Variants in PTPRD observed in about 807,000 individuals in gnomAD.
The protein encoded by PTPRD is receptor-type tyrosine-protein phosphatase delta.
A neutral mutation model predicts 214.5 loss-of-function variants in PTPRD; 34 were observed. That is an observed-to-expected ratio of 0.16 (90% CI 0.12 to 0.21). The LOEUF (loss-of-function observed/expected upper bound fraction) is 0.21, where lower values mean the gene tolerates loss of function less well. Ranked by LOEUF, PTPRD falls within the 10% of genes least tolerant of loss-of-function variation. PTPRD has a pLI of 1.00. For synonymous variants in PTPRD, 1,128 were observed against 845.7 expected, an observed-to-expected ratio of 1.33 and a Z score of -5.79; for missense variants, 2,545 against 2,398.7, an observed-to-expected ratio of 1.06 and a Z score of -1.27.
chr9:10,505,853 T>C (rs2045772988), intron 2 of PTPRD, among the ~76,000 whole-genome samples: 2 of 120,600 alleles, frequency 1.7e-5, no homozygotes, highest in Admixed American at 9.8e-5. Context: ...CATAACACTT[T>C]AACTTAAATT....
At chr9:8,706,946 G>A (rs1012281087) in intron 12 of PTPRD, among the ~76,000 whole-genome samples, 8 of 152,132 alleles carry the variant, frequency 5.3e-5, no homozygotes, top group African/African-American at 1.9e-4. Flanking sequence ...AGAGGCGAAT[G>A]AAGAACTGAA....
chr9:10,602,399 G>A (rs950295917), intron 2 of PTPRD, among the ~76,000 whole-genome samples: 12 of 151,646 alleles, frequency 7.9e-5, no homozygotes, highest in Non-Finnish European at 1.5e-4. Context: ...AATGTTTACT[G>A]AGGATTATTT....
intron 2 of PTPRD, among the ~76,000 whole-genome samples, chr9:10,472,741 G>C (rs1437924279): frequency 6.6e-6 from 1 of 151,840 alleles, no homozygotes; most frequent in African/African-American, 2.4e-5. Context: ...CTTATACATG[G>C]AGAATACTTA....
chr9:10,543,652 T>C (rs1210498114), intron 2 of PTPRD, among the ~76,000 whole-genome samples: 1 of 152,218 alleles, frequency 6.6e-6, no homozygotes, highest in Non-Finnish European at 1.5e-5. Flanking sequence ...GATGGGCTAG[T>C]TCCTTTGAAG....
At chr9:9,362,775 T>C (rs1279338187) in intron 9 of PTPRD, among the ~76,000 whole-genome samples, 1 of 151,300 alleles carries the variant, frequency 6.6e-6, no homozygotes, top group African/African-American at 2.4e-5. Context: ...ATAGCAAATG[T>C]GTTGATAGTT....
At chr9:10,323,652 G>T (rs925237265) in intron 3 of PTPRD, among the ~76,000 whole-genome samples, 11 of 151,628 alleles carry the variant, frequency 7.3e-5, no homozygotes, top group African/African-American at 2.7e-4. Flanking sequence ...GACTGAATTT[G>T]GCAATTTAAT....
intron 10 of PTPRD, among the ~76,000 whole-genome samples, chr9:9,180,389 C>A (rs964081279): frequency 1.4e-5 from 2 of 140,392 alleles, no homozygotes; most frequent in African/African-American, 5.4e-5. Flanking sequence ...TAGGTGGGAA[C>A]TGAACAATGA....
intron 2 of PTPRD, among the ~76,000 whole-genome samples, chr9:10,507,077 T>C (rs78585654): frequency 0.016 from 2,496 of 152,134 alleles, 33 homozygotes; most frequent in African/African-American, 0.034. Flanking sequence ...TCTCCTTAAG[T>C]TGATAAGCAA....
At chr9:9,770,027 G>T (rs2098739501) in intron 5 of PTPRD, among the ~76,000 whole-genome samples, 1 of 152,094 alleles carries the variant, frequency 6.6e-6, no homozygotes, top group Non-Finnish European at 1.5e-5. Flanking sequence ...ATTTGGGTTG[G>T]TCCCAAGTCT....
intron 9 of PTPRD, among the ~76,000 whole-genome samples, chr9:9,283,622 T>C (rs1436443877): frequency 6.6e-6 from 1 of 151,524 alleles, no homozygotes; most frequent in Non-Finnish European, 1.5e-5. Context: ...CTTTTCCTCA[T>C]GACCATTTGG....
Position 8,937,155 on chromosome 9 carries a change from C to T in PTPRD, c.-104+81542G>A, listed in dbSNP as rs146929788. Among the ~76,000 whole-genome samples the T allele has an allele frequency of 2.0e-3, 309 of 152,008 alleles. 2 individuals carry two copies. Among genetic ancestry groups the T allele is most frequent in the African/African-American group, 6.0e-3 (249 of 41,458 alleles). ...TGATTAGCTATATTGTGTTGAGTAA[C>T]GTTTTCTTAAAAAGTCTCCAAACAA... On this transcript the variant is annotated intron_variant, in intron 11 of 45. Coordinates refer to ENST00000381196, the MANE Select transcript of PTPRD (RefSeq NM_002839.4).
At chr9:9,816,114 C>A (rs998857800) in intron 5 of PTPRD, among the ~76,000 whole-genome samples, 2 of 152,176 alleles carry the variant, frequency 1.3e-5, no homozygotes, top group Admixed American at 6.5e-5. Context: ...TATACTACAC[C>A]TTAAATTATA....
intron 9 of PTPRD, among the ~76,000 whole-genome samples, chr9:9,195,352 T>C (rs1310043633): frequency 6.6e-6 from 1 of 152,078 alleles, no homozygotes; most frequent in Non-Finnish European, 1.5e-5. Flanking sequence ...ACAGAATTGA[T>C]GCTTTAAAGG....
intron 2 of PTPRD, among the ~76,000 whole-genome samples, chr9:10,382,314 A>G (rs2097841666): frequency 6.6e-6 from 1 of 152,054 alleles, no homozygotes; most frequent in South Asian, 2.1e-4. Context: ...AAATAAACAC[A>G]TATCAGTCTA....
chr9:10,362,409 T>C (rs1318691415), intron 2 of PTPRD, among the ~76,000 whole-genome samples: 1 of 151,390 alleles, frequency 6.6e-6, no homozygotes, highest in Admixed American at 6.6e-5. Context: ...CTGGCTCCAG[T>C]ATATCAAAAG....
chr9:9,206,229 A>C (rs1459182265), intron 9 of PTPRD, among the ~76,000 whole-genome samples: 1 of 152,182 alleles, frequency 6.6e-6, no homozygotes, highest in Non-Finnish European at 1.5e-5. Flanking sequence ...AGGTCAGAGA[A>C]GTAATGATGG....
chr9:9,595,288 TTA>T (rs56676115), intron 7 of PTPRD, among the ~76,000 whole-genome samples: 2,276 of 123,526 alleles, frequency 0.018, 32 homozygotes, highest in East Asian at 0.039. Context: ...TATATATATA[TTA>T]TATATATATA....
chr9:9,596,049 G>A (rs1046027971), intron 7 of PTPRD, among the ~76,000 whole-genome samples: 1 of 151,940 alleles, frequency 6.6e-6, no homozygotes, highest in African/African-American at 2.4e-5. Flanking sequence ...ATGTCCTTAT[G>A]CAAGAGTTTG....
intron 2 of PTPRD, among the ~76,000 whole-genome samples, chr9:10,580,192 T>C (rs1259330991): frequency 6.6e-6 from 1 of 152,236 alleles, no homozygotes; most frequent in Non-Finnish European, 1.5e-5. Flanking sequence ...GTAAAATCTC[T>C]AGCTTACCTA....
Sources: gnomAD v4.1 joint callset for allele counts (sites outside exome capture counted in the v4.1 genomes callset) on GRCh38, gnomAD v4.1.1 for gene constraint, MANE v1.5 for transcripts, NCBI Gene and HGNC (gene_info 2026-07-23, HGNC 2026-07-21) for gene names.